The following ZNF799 variants were observed in gnomAD, a reference collection of about 807,000 sequenced individuals.
ZNF799 encodes zinc finger protein 799.
In ZNF799, 28 loss-of-function variants were observed where a neutral mutation model predicts 41.0. That is an observed-to-expected ratio of 0.68 (90% CI 0.51 to 0.94). The LOEUF is 0.94. ZNF799 is among the 40% of genes least tolerant of loss of function. The probability of loss-of-function intolerance (pLI) is 0.00; values close to 1 mark genes in which losing one functional copy is unlikely to be tolerated. For missense variants in ZNF799, 716 were observed against 764.3 expected, an observed-to-expected ratio of 0.94 and a Z score of 0.74; for synonymous variants, 213 against 252.9, an observed-to-expected ratio of 0.84 and a Z score of 1.50.
chr19:12,407,593 A>G, the ZNF799 span, among the ~76,000 whole-genome samples: 1 of 152,204 alleles, frequency 6.6e-6, no homozygotes, highest in Non-Finnish European at 1.5e-5. Flanking sequence ...AAAAGAATTA[A>G]ATGAAGGCAC....
At chr19:12,400,804 T>A in intron 1 of ZNF799, 1 of 592,676 alleles carries the variant, frequency 1.7e-6, no homozygotes. Context: ...CCGCACAATC[T>A]CGGGAGACGC....
intron 1 of ZNF799, chr19:12,394,631 T>G (rs1311648431): frequency 7.1e-6 from 7 of 985,130 alleles, no homozygotes; most frequent in Non-Finnish European, 8.4e-6. Context: ...AAGGAAAAAT[T>G]TTAAACATTT....
chr19:12,390,630 A>G lies in ZNF799; in HGVS notation c.1768T>C (p.Cys590Arg). 5 of 1,613,878 alleles carry G rather than the reference A, an allele frequency of 3.1e-6. No individual in the cohort carries two copies. Among genetic ancestry groups the G allele is most frequent in the Non-Finnish European group, 4.2e-6 (5 of 1,179,884 alleles). The change falls in exon 4 of 4, where the codon TGT (cysteine) becomes CGT (arginine). Residue 590 changes from cysteine (C) to arginine (R), a missense_variant. Transcript: ENST00000430385. Reference protein sequence around the residue: ...KTHTGENPYECKECGKAFASL... With the variant: ...KTHTGENPYERKECGKAFASL... ...GCAAATGCTTTCCCACATTCCTTAC[A>G]TTCATACGGGTTCTCTCCAGTATGA...
Position 12,390,357 on chromosome 19 carries a change from C to A in ZNF799, c.*109G>T. 1 of 1,582,620 alleles carries A rather than the reference C, an allele frequency of 6.3e-7. No homozygotes were observed. The highest frequency in any genetic ancestry group is 8.6e-7 in the Non-Finnish European group (1 of 1,164,718). ...GAAACTGAAATTACTTAAGGTTTTA[C>A]CAAGTGCTTACATTCACAGGGTCTA... On this transcript the variant is annotated 3_prime_UTR_variant, in exon 4 of 4. Coordinates refer to ENST00000430385, the MANE Select transcript of ZNF799 (RefSeq NM_001080821.3).
At chr19:12,409,139 T>C in the ZNF799 span, among the ~76,000 whole-genome samples, 1 of 152,130 alleles carries the variant, frequency 6.6e-6, no homozygotes, top group Non-Finnish European at 1.5e-5. Flanking sequence ...TGTAGGGGAA[T>C]GGTTTCTGAT....
Position 12,391,784 on chromosome 19 carries a change from G to A in ZNF799, c.614C>T (p.Ala205Val), listed in dbSNP as rs370069169. The A allele has an allele frequency of 1.7e-5, 27 of 1,613,910 alleles. No individual in the cohort carries two copies. Among genetic ancestry groups the A allele is most frequent in the Admixed American group, 1.0e-4 (6 of 59,988 alleles). ...ATGTAATAAACTGGGCCAAAAAAAC[G>A]CTTTCCCACACAACTTACATTTATA... ...GPYKCKLCGK[A>V]FFWPSLLHMH... Residue 205 changes from alanine to valine, a missense_variant, in exon 4 of 4, where the codon GCG (alanine) becomes GTG (valine). Ala to Val is a moderately conservative substitution (Grantham distance 64). Transcript: ENST00000430385.
the ZNF799 span, among the ~76,000 whole-genome samples, chr19:12,409,048 A>AG: frequency 6.6e-6 from 1 of 152,094 alleles, no homozygotes; most frequent in Non-Finnish European, 1.5e-5. Flanking sequence ...GAAAAAAAAA[A>AG]AATGCATAAG....
At position 12,393,372 on chromosome 19, in the gene ZNF799, C is replaced by T. The variant is rs754607008; in HGVS notation, c.55G>A (p.Ala19Thr). 1 of 1,150,956 alleles carries T rather than the reference C, an allele frequency of 8.7e-7. No homozygotes were observed. The highest frequency in any genetic ancestry group is 1.7e-5 in the African/African-American group (1 of 59,264). The allele number at this position is 1,150,956 out of a possible 1,614,324, so 71.3% of individuals were successfully genotyped here. Residue 19 changes from alanine to threonine, a missense_variant, in exon 2 of 4, where the codon GCT becomes ACT. Ala to Thr is a moderately conservative substitution (Grantham distance 58, BLOSUM62 0). Coordinates refer to ENST00000430385, the MANE Select transcript of ZNF799 (RefSeq NM_001080821.3). ...VAVNFTREEW[A>T]LLGPCQKNLY... The stretch of plus-strand genomic sequence containing the variant: ...TTCTTCTGACAAGGACCCAGCAAAG[C>T]CCACTCTTCTCGGGTGAAGTTCACA...
chr19:12,411,291 A>T, the ZNF799 span, among the ~76,000 whole-genome samples: 2 of 152,216 alleles, frequency 1.3e-5, no homozygotes, highest in Admixed American at 6.5e-5. Flanking sequence ...GTGACCACAC[A>T]TCAAGGCTTT....
Position 12,390,875 on chromosome 19 carries a change from G to A in ZNF799, c.1523C>T (p.Thr508Ile). ...HTGEKPYECN[T>I]CKKAFSHFGN... Reference sequence around the variant, plus strand: ...AAAATGACTGAAGGCTTTCTTACATGTGTTACACTCATAAGGTTTCTCTCC... The same window carrying A: ...AAAATGACTGAAGGCTTTCTTACATATGTTACACTCATAAGGTTTCTCTCC... Residue 508 changes from threonine (T) to isoleucine (I), a missense_variant, in exon 4 of 4, where the codon ACA becomes ATA. Coordinates refer to ENST00000430385, the MANE Select transcript of ZNF799 (RefSeq NM_001080821.3). The A allele has an allele frequency of 6.2e-7, 1 of 1,613,786 alleles. No individual in the cohort carries two copies. Among genetic ancestry groups the A allele is most frequent in the Non-Finnish European group, 8.5e-7 (1 of 1,179,960 alleles).
At chr19:12,406,803 G>A in the ZNF799 span, among the ~76,000 whole-genome samples, 1 of 151,994 alleles carries the variant, frequency 6.6e-6, no homozygotes. Flanking sequence ...GGGAGGCTGA[G>A]GCAGGAGAAT....
At chr19:12,401,791 G>C (rs1969992935), upstream of ZNF799, among the ~76,000 whole-genome samples, 1 of 152,032 alleles carries the variant, frequency 6.6e-6, no homozygotes, top group South Asian at 2.1e-4. Flanking sequence ...GGCCAGGCTG[G>C]TCTCGAACTC....
chr19:12,408,031 C>G, the ZNF799 span, among the ~76,000 whole-genome samples: 1 of 152,106 alleles, frequency 6.6e-6, no homozygotes, highest in African/African-American at 2.4e-5. Flanking sequence ...GTGGCACAAA[C>G]TGTAGTCACA....
chr19:12,412,765 G>A, the ZNF799 span, among the ~76,000 whole-genome samples: 7 of 152,074 alleles, frequency 4.6e-5, no homozygotes, highest in South Asian at 1.5e-3. Context: ...CTGGGCTGGG[G>A]GTGGTGGTTC....
chr19:12,395,514 G>C (rs1454274343), intron 1 of ZNF799, among the ~76,000 whole-genome samples: 1 of 152,156 alleles, frequency 6.6e-6, no homozygotes, highest in Non-Finnish European at 1.5e-5. Context: ...GCATGAAAAT[G>C]TTGCAAAATA....
At chr19:12,407,070 G>A in the ZNF799 span, among the ~76,000 whole-genome samples, 1 of 152,116 alleles carries the variant, frequency 6.6e-6, no homozygotes, top group Non-Finnish European at 1.5e-5. Flanking sequence ...CCCAGTCTGA[G>A]AGAGGAAAAA....
intron 1 of ZNF799, among the ~76,000 whole-genome samples, chr19:12,400,169 A>C (rs1379934186): frequency 2.0e-5 from 3 of 152,212 alleles, no homozygotes; most frequent in South Asian, 4.1e-4. Flanking sequence ...GACCCTGCTA[A>C]CCACATCTTT....
intron 1 of ZNF799, chr19:12,393,747 T>C: frequency 8.9e-7 from 1 of 1,126,438 alleles, no homozygotes; most frequent in Admixed American, 4.3e-5. Flanking sequence ...AAAGTCCTAC[T>C]ACTTATTGTG....
At chr19:12,401,582 GAGA>G (rs1320118337), upstream of ZNF799, among the ~76,000 whole-genome samples, 108 of 122,574 alleles carry the variant, frequency 8.8e-4, no homozygotes, top group African/African-American at 3.2e-3. Flanking sequence ...GAGAGAGAGA[GAGA>G]GAGAGAGAGA....
Sources: allele counts gnomAD v4.1 joint callset (sites outside exome capture counted in the v4.1 genomes callset), GRCh38; gene constraint gnomAD v4.1.1; transcripts MANE v1.5; gene names NCBI Gene and HGNC (gene_info 2026-07-23, HGNC 2026-07-21).